FAT3: variants seen among roughly 807,000 people sequenced by gnomAD.
FAT3 encodes the protein FAT atypical cadherin 3.
In FAT3, 95 loss-of-function variants were observed where a neutral mutation model predicts 310.2. The observed-to-expected ratio is 0.31, with a 90% CI of 0.26 to 0.36. The LOEUF (loss-of-function observed/expected upper bound fraction) is 0.36. FAT3 is among the 10% of genes least tolerant of loss of function. The pLI is 1.00. For missense variants in FAT3, 5,408 were observed against 5,715.6 expected (o/e 0.95, Z 1.74); for synonymous variants, 2,314 against 2,192.9 (o/e 1.06, Z -1.54).
intron 3 of FAT3, among the ~76,000 whole-genome samples, chr11:92,538,407 G>T (rs937230358): frequency 6.6e-6 from 1 of 152,076 alleles, no homozygotes; most frequent in African/African-American, 2.4e-5. Context: ...TCCCTATCAA[G>T]AAAATGGGTA....
chr11:92,632,446 A>C (rs946344133), intron 3 of FAT3, among the ~76,000 whole-genome samples: 1 of 152,208 alleles, frequency 6.6e-6, no homozygotes, highest in African/African-American at 2.4e-5. Flanking sequence ...AAGGAGCTGT[A>C]TGCAGTGAGG....
At chr11:92,446,808 G>A (rs556414547) in intron 2 of FAT3, among the ~76,000 whole-genome samples, 1 of 152,232 alleles carries the variant, frequency 6.6e-6, no homozygotes, top group Admixed American at 6.5e-5. Context: ...ATTGAAAGTG[G>A]AAATGAGTAT....
intron 4 of FAT3, among the ~76,000 whole-genome samples, 177 bp from the exon 5 acceptor site, chr11:92,761,679 A>G (rs1946154789): frequency 6.6e-6 from 1 of 152,200 alleles, no homozygotes; most frequent in Non-Finnish European, 1.5e-5. Flanking sequence ...TCAATATATG[A>G]ATTTTAAGGG....
chr11:92,321,360 C>G (rs1591104853), intron 1 of FAT3, among the ~76,000 whole-genome samples: 1 of 151,898 alleles, frequency 6.6e-6, no homozygotes, highest in African/African-American at 2.4e-5. Context: ...TGGCGTGAAC[C>G]CGAGAGGCGG....
At chr11:92,467,205 A>T (rs1046069472) in intron 2 of FAT3, among the ~76,000 whole-genome samples, 1 of 152,074 alleles carries the variant, frequency 6.6e-6, no homozygotes, top group African/African-American at 2.4e-5. Context: ...CAACAGTGTA[A>T]AAGTGTTCCT....
At chr11:92,552,741 T>C (rs79102625) in intron 3 of FAT3, among the ~76,000 whole-genome samples, 212 of 151,880 alleles carry the variant, frequency 1.4e-3, no homozygotes, top group South Asian at 4.6e-3. Flanking sequence ...TCTAACATGG[T>C]CCCTGACACT....
At chr11:92,277,749 A>T (rs1946313004) in intron 1 of FAT3, among the ~76,000 whole-genome samples, 1 of 152,128 alleles carries the variant, frequency 6.6e-6, no homozygotes. Context: ...CCTGTTGCTT[A>T]CTATGCATAG....
intron 13 of FAT3, among the ~76,000 whole-genome samples, chr11:92,812,210 G>T (rs1947693223): frequency 6.6e-6 from 1 of 152,170 alleles, no homozygotes; most frequent in African/African-American, 2.4e-5. Flanking sequence ...TGTGCACTAA[G>T]ATTACCAGGT....
In FAT3 at chr11:92,578,497, C is replaced by T. The variant is rs140669116; in HGVS notation, c.3607+53549C>T. Among the ~76,000 whole-genome samples the T allele has an allele frequency of 2.8e-3, 433 of 152,200 alleles. 2 individuals carry two copies. Among genetic ancestry groups the T allele is most frequent in the African/African-American group, 9.8e-3 (406 of 41,542 alleles). ...AAGTCACACATCTAAGAAGTGGTAA[C>T]CTGTGTCTTCAGACTGTGTACCACG... On this transcript the variant is annotated intron_variant, in intron 3 of 27. Coordinates refer to ENST00000525166, the MANE Select transcript of FAT3 (RefSeq NM_001367949.2).
At chr11:92,313,229 G>A (rs1017282514) in intron 1 of FAT3, among the ~76,000 whole-genome samples, 1 of 152,122 alleles carries the variant, frequency 6.6e-6, no homozygotes, top group African/African-American at 2.4e-5. Flanking sequence ...CCAGCTGAAT[G>A]CCACATAGGA....
intron 14 of FAT3, among the ~76,000 whole-genome samples, chr11:92,834,571 A>AGGAACACTC (rs1948349569): frequency 6.6e-6 from 1 of 152,170 alleles, no homozygotes; most frequent in African/African-American, 2.4e-5. Context: ...CCTACTCGTT[A>AGGAACACTC]GTTGTGTGAG....
chr11:92,263,022 T>A (rs1865622106), intron 1 of FAT3, among the ~76,000 whole-genome samples: 1 of 152,064 alleles, frequency 6.6e-6, no homozygotes, highest in African/African-American at 2.4e-5. Context: ...ACTTTGTAGC[T>A]GGATGCTATA....
chr11:92,350,925 G>T (rs970120520), intron 1 of FAT3, among the ~76,000 whole-genome samples: 1 of 152,066 alleles, frequency 6.6e-6, no homozygotes, highest in Non-Finnish European at 1.5e-5. Flanking sequence ...ATATTTGGGG[G>T]TTCTAAAAAT....
chr11:92,871,109 C>T (rs1949378701), intron 22 of FAT3, among the ~76,000 whole-genome samples: 1 of 152,122 alleles, frequency 6.6e-6, no homozygotes, highest in Admixed American at 6.5e-5. Flanking sequence ...ATGACCATAC[C>T]ACTGCACTTC....
At chr11:92,322,470 A>C (rs1167415209) in intron 1 of FAT3, among the ~76,000 whole-genome samples, 1 of 152,196 alleles carries the variant, frequency 6.6e-6, no homozygotes, top group Non-Finnish European at 1.5e-5. Context: ...AAATAGGACA[A>C]CAATGAAATT....
intron 1 of FAT3, among the ~76,000 whole-genome samples, chr11:92,346,697 T>C (rs761936948): frequency 2.2e-4 from 34 of 152,134 alleles, no homozygotes; most frequent in African/African-American, 6.5e-4. Context: ...ATTTTAAAGA[T>C]AGAGAAACTG....
At chr11:92,859,988 G>T (rs1221880586) in intron 21 of FAT3, among the ~76,000 whole-genome samples, 1 of 152,136 alleles carries the variant, frequency 6.6e-6, no homozygotes, top group African/African-American at 2.4e-5. Context: ...ATCACATGAG[G>T]TCAGGAGTTC....
At position 92,800,663 on chromosome 11, in the gene FAT3, G is replaced by T. The variant is rs1485952763; in HGVS notation, c.7650G>T (p.Gly2550=). The T allele has an allele frequency of 3.1e-6, 5 of 1,613,774 alleles. No individual in the cohort carries two copies. Among genetic ancestry groups the T allele is most frequent in the Non-Finnish European group, 4.2e-6 (5 of 1,179,816 alleles). ...AKDRFLIDSN[G]QVITTERLDR... Reference sequence around the variant, plus strand: ...ATCGATTCCTCATAGACAGCAATGGGCAGGTCATCACCACAGAAAGGCTAG... The same window carrying T: ...ATCGATTCCTCATAGACAGCAATGGTCAGGTCATCACCACAGAAAGGCTAG... Residue 2550 remains glycine, a synonymous_variant, in exon 10 of 28, where the codon GGG becomes GGT. Transcript: ENST00000525166.
chr11:92,317,086 A>G (rs927375640), intron 1 of FAT3, among the ~76,000 whole-genome samples: 1 of 152,210 alleles, frequency 6.6e-6, no homozygotes, highest in Non-Finnish European at 1.5e-5. Context: ...ACTCAAGGCT[A>G]CAGGCAAGAA....
Sources: gnomAD v4.1 joint callset for allele counts (sites outside exome capture counted in the v4.1 genomes callset) on GRCh38, gnomAD v4.1.1 for gene constraint, MANE v1.5 for transcripts, NCBI Gene and HGNC (gene_info 2026-07-23, HGNC 2026-07-21) for gene names.